Variants in ADGRL4 observed in about 807,000 individuals in gnomAD.
ADGRL4 encodes adhesion G protein-coupled receptor L4.
ADGRL4 carries 90 observed loss-of-function variants against 74.8 expected under a neutral mutation model. The ratio of observed to expected loss-of-function variants is 1.20; its 90% confidence interval spans 1.02 to 1.43. The LOEUF (loss-of-function observed/expected upper bound fraction) is 1.43. Ranked by LOEUF, ADGRL4 falls within the 40% of genes most tolerant of loss-of-function variation. The pLI is 0.00. For synonymous variants in ADGRL4, 311 were observed against 279.2 expected, an observed-to-expected ratio of 1.11 and a Z score of -1.14; for missense variants, 881 against 814.3, an observed-to-expected ratio of 1.08 and a Z score of -1.00.
chr1:78,935,252 A>G (rs1374773701), intron 7 of ADGRL4, among the ~76,000 whole-genome samples: 1 of 152,214 alleles, frequency 6.6e-6, no homozygotes, highest in Non-Finnish European at 1.5e-5. Context: ...ATGTCTTTGC[A>G]GGGACTTTGA....
intron 3 of ADGRL4, among the ~76,000 whole-genome samples, chr1:78,943,957 A>G (rs1044548609): frequency 1.3e-5 from 2 of 152,222 alleles, no homozygotes; most frequent in Non-Finnish European, 2.9e-5. Flanking sequence ...AAATGGAATT[A>G]GCACAAACTC....
intron 12 of ADGRL4, among the ~76,000 whole-genome samples, chr1:78,904,297 A>G (rs991640098): frequency 6.6e-6 from 1 of 152,016 alleles, no homozygotes; most frequent in African/African-American, 2.4e-5. Context: ...TAGTCATTTA[A>G]ACCAAGTATT....
intron 2 of ADGRL4, among the ~76,000 whole-genome samples, chr1:79,001,303 C>T (rs1275486110): frequency 6.6e-6 from 1 of 151,572 alleles, no homozygotes; most frequent in Non-Finnish European, 1.5e-5. Context: ...ACTCAATTGA[C>T]TACTCCTAAA....
chr1:78,939,438 T>G (rs2100689698), intron 3 of ADGRL4, among the ~76,000 whole-genome samples, 180 bp from the exon 4 acceptor site: 1 of 151,982 alleles, frequency 6.6e-6, no homozygotes, highest in South Asian at 2.1e-4. Context: ...AATAAAAGGG[T>G]TTTAAGGGCC....
intron 7 of ADGRL4, among the ~76,000 whole-genome samples, chr1:78,929,258 G>A (rs757416669): frequency 3.3e-5 from 5 of 151,412 alleles, no homozygotes; most frequent in Non-Finnish European, 7.4e-5. Context: ...GTTCAGGTCT[G>A]TAATCCCAAC....
intron 2 of ADGRL4, among the ~76,000 whole-genome samples, chr1:79,003,158 G>A (rs945662120): frequency 1.3e-5 from 2 of 151,960 alleles, no homozygotes; most frequent in African/African-American, 2.4e-5. Flanking sequence ...CTTTAGAGAC[G>A]AAAATGTCAA....
At chr1:78,976,788 C>G (rs1041581002) in intron 2 of ADGRL4, among the ~76,000 whole-genome samples, 2 of 148,516 alleles carry the variant, frequency 1.3e-5, no homozygotes, top group South Asian at 2.1e-4. Context: ...CAATTTAAAG[C>G]CTTCCAAGAA....
At chr1:78,946,603 A>G (rs1362437533) in intron 2 of ADGRL4, among the ~76,000 whole-genome samples, 177 bp from the exon 3 acceptor site, 1 of 152,206 alleles carries the variant, frequency 6.6e-6, no homozygotes, top group East Asian at 1.9e-4. Context: ...TGTTTATAAT[A>G]AGAGATCTTC....
intron 1 of ADGRL4, among the ~76,000 whole-genome samples, chr1:79,005,790 A>G (rs1308427404): frequency 6.6e-6 from 1 of 152,208 alleles, no homozygotes; most frequent in African/African-American, 2.4e-5. Flanking sequence ...TTTCAATTCA[A>G]TTATTCATAA....
rs543197685 is a variant in ADGRL4, at chr1:78,963,438, C to T, written c.173-17012G>A. Among the ~76,000 whole-genome samples, 273 of 152,264 alleles carry T rather than the reference C, an allele frequency of 1.8e-3. 1 individual carries two copies. The highest frequency in any genetic ancestry group is 3.2e-3 in the Non-Finnish European group (219 of 68,028). On this transcript the variant is annotated intron_variant, in intron 2 of 14. Coordinates refer to ENST00000370742, the MANE Select transcript of ADGRL4 (RefSeq NM_022159.4). The stretch of plus-strand genomic sequence containing the variant: ...CCCTGCCTAGATTGGAGTATTCTCA[C>T]GCCCAGTATGCTGTCAACATTGTCT...
chr1:78,906,221 G>A (rs1408325413), intron 12 of ADGRL4, among the ~76,000 whole-genome samples: 1 of 151,968 alleles, frequency 6.6e-6, no homozygotes, highest in Non-Finnish European at 1.5e-5. Flanking sequence ...TCATGCTATA[G>A]CTTATAGCTA....
At chr1:78,986,025 G>A (rs1650487207) in intron 2 of ADGRL4, among the ~76,000 whole-genome samples, 1 of 151,700 alleles carries the variant, frequency 6.6e-6, no homozygotes, top group Non-Finnish European at 1.5e-5. Flanking sequence ...CTACTCGGGG[G>A]TGGAAGAAGG....
At chr1:78,968,511 TG>T (rs1355381990) in intron 2 of ADGRL4, among the ~76,000 whole-genome samples, 2 of 27,742 alleles carry the variant, frequency 7.2e-5, no homozygotes. Flanking sequence ...GGTGGGGGGG[TG>T]GGGGGGAGAC....
At chr1:78,979,541 C>T (rs974639009) in intron 2 of ADGRL4, among the ~76,000 whole-genome samples, 7 of 151,870 alleles carry the variant, frequency 4.6e-5, no homozygotes, top group Admixed American at 1.3e-4. Flanking sequence ...AGCAATCCCA[C>T]GACTGGGTAT....
Position 78,893,184 on chromosome 1 carries a change from A to T in ADGRL4, c.1755T>A (p.Asn585Lys). 6.3e-7 allele frequency: 1 copy of T among 1,591,376 alleles called. No individual in the cohort carries two copies. Among genetic ancestry groups the T allele is most frequent in the Non-Finnish European group, 8.6e-7 (1 of 1,166,836 alleles). ...IGPACLIILV[N>K]LLAFGVIIYK... The stretch of plus-strand genomic sequence containing the variant: ...ATATGATGACTCCAAAAGCCAAGAG[A>T]TTAACCTGGAAAAAGAATTAATTTC... Residue 585 changes from asparagine (N) to lysine (K), a missense_variant, in exon 13 of 15, where the codon AAT (asparagine) becomes AAA (lysine). Asn to Lys is a moderately conservative substitution (Grantham distance 94). Transcript: ENST00000370742.
rs114316587 is a variant in ADGRL4, at chr1:78,972,282, C to A, written c.173-25856G>T. ...GAAAAAGCCTGACTGGATTTTATGT[C>A]AGTATGAATGCTTAGCTCTAATATT... On this transcript the variant is annotated intron_variant, in intron 2 of 14. Transcript: ENST00000370742. Among the ~76,000 whole-genome samples the A allele has an allele frequency of 4.6e-3, 705 of 152,150 alleles. 6 individuals are homozygous for A. The highest frequency in any genetic ancestry group is 0.015 in the South Asian group (71 of 4,818).
chr1:78,939,351 TA>T, intron 3 of ADGRL4, 93 bp from the exon 4 acceptor site: 1 of 1,188,212 alleles, frequency 8.4e-7, no homozygotes, highest in Non-Finnish European at 1.1e-6. Flanking sequence ...CTCACTTATT[TA>T]AATATTAAAA....
In ADGRL4 at chr1:79,004,031, T is replaced by G. The variant is rs1650907076; in HGVS notation, c.172+1039A>C. 2.6e-5 allele frequency among the ~76,000 whole-genome samples: 4 copies of G among 152,148 alleles called. No individual in the cohort carries two copies. The South Asian group carries it at 8.3e-4, about 32-fold the overall frequency. ...TCAACCTAATTATGATGAAGTTTGG[T>G]CTTACTAAACACGGCATATTTAATC... is the stretch of plus-strand genomic sequence containing the variant. On this transcript the variant is annotated intron_variant, in intron 2 of 14. Coordinates refer to ENST00000370742, the MANE Select transcript of ADGRL4 (RefSeq NM_022159.4).
intron 2 of ADGRL4, among the ~76,000 whole-genome samples, chr1:79,000,118 T>C (rs942341987): frequency 4.5e-4 from 69 of 152,164 alleles, no homozygotes; most frequent in African/African-American, 1.6e-3. Context: ...TATTAGTTAC[T>C]GGATATTACT....
Sources: allele counts gnomAD v4.1 joint callset (sites outside exome capture counted in the v4.1 genomes callset), GRCh38; gene constraint gnomAD v4.1.1; transcripts MANE v1.5; gene names NCBI Gene and HGNC (gene_info 2026-07-23, HGNC 2026-07-21).